Variants in ANO5 observed in about 807,000 individuals in gnomAD.
ANO5 encodes anoctamin 5, also known as anoctamin-5.
A neutral mutation model predicts 121.0 loss-of-function variants in ANO5; 109 were observed. The observed-to-expected ratio is 0.90, with a 90% CI of 0.77 to 1.06. The LOEUF (loss-of-function observed/expected upper bound fraction) is 1.06. Among genes scored for constraint, ANO5 ranks in the 50% least tolerant of loss-of-function variants. The pLI is 0.00. For missense variants in ANO5, 1,064 were observed against 1,078.5 expected (o/e 0.99, Z 0.19); for synonymous variants, 406 against 359.9 (o/e 1.13, Z -1.45).
chr11:22,235,884 G>T (rs1853198157), intron 7 of ANO5, among the ~76,000 whole-genome samples: 1 of 152,080 alleles, frequency 6.6e-6, no homozygotes, highest in Non-Finnish European at 1.5e-5. Context: ...CTGGCACAAA[G>T]AACTAAAGAG....
At chr11:22,227,656 T>C (rs1852889806) in intron 7 of ANO5, 70 bp downstream of exon 7, 4 of 1,561,076 alleles carry the variant, frequency 2.6e-6, no homozygotes, top group Non-Finnish European at 3.5e-6. Context: ...CTTTTATACA[T>C]GTGCAGATGT....
Position 22,259,751 on chromosome 11 carries a change from C to A in ANO5, c.1630+10C>A. On this transcript the variant is annotated intron_variant, in intron 15 of 21. Transcript: ENST00000324559. ...TGGATCACAAAAATGGGTAAGCTGG[C>A]CAAATCATTTGTGTGATTCTGAAGA... is the stretch of plus-strand genomic sequence containing the variant. 6.3e-7 allele frequency: 1 copy of A among 1,595,044 alleles called. No individual in the cohort carries two copies. The highest frequency in any genetic ancestry group is 1.3e-5 in the African/African-American group (1 of 74,550).
At chr11:22,195,790 A>C (rs1851793158) in intron 1 of ANO5, among the ~76,000 whole-genome samples, 1 of 152,150 alleles carries the variant, frequency 6.6e-6, no homozygotes, top group Non-Finnish European at 1.5e-5. Context: ...ATGTGATCCA[A>C]ATTGTGCCTC....
intron 9 of ANO5, among the ~76,000 whole-genome samples, chr11:22,240,175 TTGTG>T (rs372945102): frequency 6.6e-6 from 1 of 151,908 alleles, no homozygotes; most frequent in Non-Finnish European, 1.5e-5. Context: ...GTATGGATGT[TTGTG>T]TGTGTGTGCT....
At chr11:22,203,182 G>A (rs1402623651) in intron 1 of ANO5, among the ~76,000 whole-genome samples, 1 of 152,054 alleles carries the variant, frequency 6.6e-6, no homozygotes, top group Non-Finnish European at 1.5e-5. Flanking sequence ...AAAATATATA[G>A]GAAGTTTTTG....
chr11:22,222,250 T>G (rs7935686), intron 5 of ANO5, among the ~76,000 whole-genome samples: 125,425 of 151,846 alleles, frequency 0.83, 52,314 homozygotes, highest in African/African-American at 0.93. Flanking sequence ...TCATTTATCT[T>G]TCTCTGCATC....
intron 13 of ANO5, 66 bp downstream of exon 13, chr11:22,255,588 A>G: frequency 6.4e-7 from 1 of 1,566,122 alleles, no homozygotes; most frequent in Non-Finnish European, 8.8e-7. Flanking sequence ...GTTTCTTCTC[A>G]TATAATCATA....
chr11:22,269,606 C>T (rs1233471236), intron 17 of ANO5, among the ~76,000 whole-genome samples: 2 of 151,244 alleles, frequency 1.3e-5, no homozygotes, highest in Non-Finnish European at 3.0e-5. Context: ...AGAGTTTGCC[C>T]TAGGATTTTA....
chr11:22,192,957 C>CG, upstream of ANO5: 2 of 983,068 alleles, frequency 2.0e-6, no homozygotes, highest in Non-Finnish European at 2.4e-6. Context: ...CCAGCCGGGC[C>CG]GGGGGGCGGG....
chr11:22,250,264 C>T lies in ANO5; in HGVS notation c.906C>T (p.Ile302=). ...IKNYYGEKIG[I]YFVFLGFYTE... is the part of the protein sequence containing the mutation. ...ATTATTATGGAGAAAAAATTGGTAT[C>T]TATTTTGTCTTTCTTGGATTTTACA... The change falls in exon 10 of 22, where the codon ATC becomes ATT. Residue 302 remains isoleucine, a synonymous_variant. Coordinates refer to ENST00000324559, the MANE Select transcript of ANO5 (RefSeq NM_213599.3). The T allele has an allele frequency of 6.3e-7, 1 of 1,599,830 alleles. No individual in the cohort carries two copies. Among genetic ancestry groups the T allele is most frequent in the East Asian group, 2.2e-5 (1 of 44,682 alleles).
chr11:22,198,392 G>T (rs1851871620), intron 1 of ANO5, among the ~76,000 whole-genome samples: 1 of 152,190 alleles, frequency 6.6e-6, no homozygotes, highest in South Asian at 2.1e-4. Context: ...AACAGTGTTA[G>T]TTCTAGAGAA....
upstream of ANO5, among the ~76,000 whole-genome samples, chr11:22,192,697 G>A (rs543335361): frequency 6.6e-6 from 1 of 152,358 alleles, no homozygotes; most frequent in South Asian, 2.1e-4. Context: ...ACCCCCTTTG[G>A]GGATCGGAGG....
At chr11:22,264,028 T>TTTG (rs1554932184) in intron 17 of ANO5, among the ~76,000 whole-genome samples, 1 of 149,612 alleles carries the variant, frequency 6.7e-6, no homozygotes, top group African/African-American at 2.5e-5. Flanking sequence ...CCAAACCTTT[T>TTTG]TTTTTTTTTT....
Position 22,223,630 on chromosome 11 carries a change from A to G in ANO5, c.295-2354A>G, listed in dbSNP as rs76458403. ...AAGCAAGTCCCAGACACTAGGACCAACCTTTCTAAAGTTGCAGGCAGGCCT... is the reference window on the plus strand; with the variant it reads ...AAGCAAGTCCCAGACACTAGGACCAGCCTTTCTAAAGTTGCAGGCAGGCCT... On this transcript the variant is annotated intron_variant, in intron 5 of 21. Transcript: ENST00000324559. 0.014 allele frequency among the ~76,000 whole-genome samples: 2,056 copies of G among 152,128 alleles called. 150 individuals carry two copies. The East Asian group carries it at 0.21, about 16-fold the overall frequency.
intron 7 of ANO5, among the ~76,000 whole-genome samples, chr11:22,235,852 A>C (rs1354163869): frequency 6.6e-6 from 1 of 152,152 alleles, no homozygotes; most frequent in Non-Finnish European, 1.5e-5. Context: ...TCCTACTTGA[A>C]GCCCTAATTA....
chr11:22,230,126 C>T (rs1276444617), intron 7 of ANO5, among the ~76,000 whole-genome samples: 3 of 151,626 alleles, frequency 2.0e-5, no homozygotes, highest in Non-Finnish European at 2.9e-5. Context: ...GTGTTTACAC[C>T]TTTTATTGTG....
intron 1 of ANO5, among the ~76,000 whole-genome samples, chr11:22,196,937 G>C (rs7118916): frequency 2.6e-5 from 4 of 152,152 alleles, no homozygotes; most frequent in African/African-American, 9.7e-5. Context: ...GTTGGCTGAA[G>C]AAGGCTGAAA....
At chr11:22,254,291 G>A (rs1284732042) in intron 12 of ANO5, among the ~76,000 whole-genome samples, 1 of 152,104 alleles carries the variant, frequency 6.6e-6, no homozygotes, top group East Asian at 1.9e-4. Context: ...TATTTAAAAG[G>A]TAGAGAGTGA....
chr11:22,235,738 T>G (rs4271385), intron 7 of ANO5, among the ~76,000 whole-genome samples: 22,674 of 151,904 alleles, frequency 0.15, 4,920 homozygotes, highest in African/African-American at 0.48. Context: ...TCAGGTAAAA[T>G]CCCTTGTAAA....
Sources: allele counts gnomAD v4.1 joint callset (sites outside exome capture counted in the v4.1 genomes callset), GRCh38; gene constraint gnomAD v4.1.1; transcripts MANE v1.5; gene names NCBI Gene and HGNC (gene_info 2026-07-23, HGNC 2026-07-21).